PRPF8: variants seen among roughly 807,000 people sequenced by gnomAD.
The protein encoded by PRPF8 is pre-mRNA processing factor 8, also known as pre-mRNA-processing-splicing factor 8.
In PRPF8, 64 loss-of-function variants were observed where a neutral mutation model predicts 285.9. That is an observed-to-expected ratio of 0.22 (90% CI 0.18 to 0.28). The LOEUF (loss-of-function observed/expected upper bound fraction) is 0.28. PRPF8 is among the 10% of genes least tolerant of loss of function. PRPF8 has a pLI of 1.00. For synonymous variants in PRPF8, 1,325 were observed against 1,118.2 expected, an observed-to-expected ratio of 1.18 and a Z score of -3.69; for missense variants, 1,426 against 3,026.7, an observed-to-expected ratio of 0.47 and a Z score of 12.41.
Position 1,671,901 on chromosome 17 carries a change from G to A in PRPF8, c.3774+1180C>T, listed in dbSNP as rs186502251. Reference sequence around the variant, plus strand: ...TTAAAAATTAGCCAGGCATGGTGGCGTATGCACCTGTGGTCCCAGATACTT... The same window carrying A: ...TTAAAAATTAGCCAGGCATGGTGGCATATGCACCTGTGGTCCCAGATACTT... On this transcript the variant is annotated intron_variant, in intron 24 of 42. Coordinates refer to ENST00000304992, the MANE Select transcript of PRPF8 (RefSeq NM_006445.4). Among the ~76,000 whole-genome samples, 96 of 151,250 alleles carry A rather than the reference G, an allele frequency of 6.3e-4. 4 individuals are homozygous for A. In the East Asian group the frequency reaches 0.015, roughly 24 times the overall value.
intron 24 of PRPF8, among the ~76,000 whole-genome samples, chr17:1,669,668 C>G (rs1912202100): frequency 6.6e-6 from 1 of 152,218 alleles, no homozygotes; most frequent in African/African-American, 2.4e-5. Flanking sequence ...CAATGACGTC[C>G]TAACTGTCAA....
chr17:1,681,309 G>A (rs1037292946), intron 6 of PRPF8, among the ~76,000 whole-genome samples, 169 bp downstream of exon 6: 2 of 152,082 alleles, frequency 1.3e-5, no homozygotes, highest in Non-Finnish European at 2.9e-5. Flanking sequence ...TCAAACTTCT[G>A]GGCTCAAGCA....
chr17:1,667,538 CTTTTTTTTTT>C, intron 24 of PRPF8, among the ~76,000 whole-genome samples: 1 of 102,048 alleles, frequency 9.8e-6, no homozygotes, highest in Admixed American at 1.1e-4. Flanking sequence ...CATGACATAG[CTTTTTTTTTT>C]TTTTTTTTTT....
intron 24 of PRPF8, among the ~76,000 whole-genome samples, chr17:1,666,796 G>A (rs1912013766): frequency 6.6e-6 from 1 of 152,112 alleles, no homozygotes; most frequent in Non-Finnish European, 1.5e-5. Context: ...AAAGACTGCA[G>A]GTGAGATAAC....
Position 1,681,480 on chromosome 17 carries a change from T to C in PRPF8, c.864A>G (p.Leu288=). The part of the protein sequence containing the change: ...KFEPLVRDIN[L]QDEDWNEFND... ...AATCCCTAATCTCTCCAACTCACTG[T>C]AGGTTGATGTCTCGAACAAGAGGTT... Residue 288 remains leucine, a splice_region_variant and synonymous_variant, in exon 6 of 43, where the codon CTA becomes CTG. Coordinates refer to ENST00000304992, the MANE Select transcript of PRPF8 (RefSeq NM_006445.4). The C allele has an allele frequency of 6.4e-7, 1 of 1,573,736 alleles. No homozygotes were observed. Among genetic ancestry groups the C allele is most frequent in the Non-Finnish European group, 8.7e-7 (1 of 1,143,246 alleles).
chr17:1,664,062 G>C (rs1911821261), intron 24 of PRPF8, among the ~76,000 whole-genome samples: 1 of 152,152 alleles, frequency 6.6e-6, no homozygotes, highest in South Asian at 2.1e-4. Context: ...ACAGGGTCTT[G>C]CTCTGTTGCC....
At position 1,675,107 on chromosome 17, in the gene PRPF8, C is replaced by T. The variant is rs376691831; in HGVS notation, c.3060+45G>A. On this transcript the variant is annotated intron_variant, in intron 20 of 42. Coordinates refer to ENST00000304992, the MANE Select transcript of PRPF8 (RefSeq NM_006445.4). This position sits in a 1 kb window ranked among gnomAD's most constrained non-coding sequence, Gnocchi z 6.0. ...GCAAATTCTGAGTCAGTGGGCCAGA[C>T]AAGCACTCCACACACAATTCCATGC... The T allele has an allele frequency of 4.4e-6, 7 of 1,609,000 alleles. No homozygotes were observed. The Admixed American group carries it at 1.0e-4, about 23-fold the overall frequency.
intron 37 of PRPF8, 60 bp from the exon 38 acceptor site, chr17:1,654,076 A>G (rs1911217432): frequency 6.2e-7 from 1 of 1,613,058 alleles, no homozygotes; most frequent in Non-Finnish European, 8.5e-7. Context: ...CTTCTGCCTC[A>G]ATGGAAAGGG....
chr17:1,676,426 G>T lies in PRPF8; in HGVS notation c.2389-56C>A. 6.2e-7 allele frequency: 1 copy of T among 1,613,966 alleles called. No homozygotes were observed. The highest frequency in any genetic ancestry group is 8.5e-7 in the Non-Finnish European group (1 of 1,179,966). Reference sequence around the variant, plus strand: ...CTACAGCCCGATCCTGCCAGAACAAGGTTCAGTCACAACTCTACAGTCCTC... The same window carrying T: ...CTACAGCCCGATCCTGCCAGAACAATGTTCAGTCACAACTCTACAGTCCTC... On this transcript the variant is annotated intron_variant, in intron 16 of 42. Transcript: ENST00000304992. The surrounding 1 kb of genome is among the most constrained non-coding windows in gnomAD (Gnocchi z 6.3).
intron 37 of PRPF8, 89 bp downstream of exon 37, chr17:1,655,261 T>C (rs763826403): frequency 6.7e-7 from 1 of 1,498,052 alleles, no homozygotes; most frequent in Admixed American, 1.9e-5. Context: ...CCTGGCCTTC[T>C]TGAGAAACTT....
Position 1,661,463 on chromosome 17 carries a change from C to T in PRPF8, c.4203-57G>A, listed in dbSNP as rs1012397809. 11 of 1,613,276 alleles carry T rather than the reference C, an allele frequency of 6.8e-6. No homozygotes were observed. Among genetic ancestry groups the T allele is most frequent in the Admixed American group, 1.7e-5 (1 of 59,992 alleles). Reference sequence around the variant, plus strand: ...GTGATCTCATATGAGGAGCTCAGCACTCCTTCCTGGCCAAAAATAATTAGG... The same window carrying T: ...GTGATCTCATATGAGGAGCTCAGCATTCCTTCCTGGCCAAAAATAATTAGG... On this transcript the variant is annotated intron_variant, in intron 26 of 42. Coordinates refer to ENST00000304992, the MANE Select transcript of PRPF8 (RefSeq NM_006445.4). The surrounding 1 kb of genome is among the most constrained non-coding windows in gnomAD (Gnocchi z 7.3).
chr17:1,660,207 T>G (rs966535174), intron 30 of PRPF8, among the ~76,000 whole-genome samples: 2 of 150,426 alleles, frequency 1.3e-5, no homozygotes, highest in Non-Finnish European at 3.0e-5. Context: ...CAGCACCCTC[T>G]CCCCGCGATT....
intron 13 of PRPF8, 58 bp downstream of exon 13, chr17:1,678,460 G>T: frequency 6.2e-7 from 1 of 1,611,298 alleles, no homozygotes; most frequent in South Asian, 1.1e-5. Context: ...ACCAGCCCAA[G>T]AGACAAGAGT....
At chr17:1,655,869 G>A (rs1368928361) in intron 36 of PRPF8, among the ~76,000 whole-genome samples, 21 of 148,854 alleles carry the variant, frequency 1.4e-4, no homozygotes. Context: ...CTCGTGATCC[G>A]CCGCCTCGGC....
chr17:1,656,524 C>T lies in PRPF8; in HGVS notation c.5661G>A (p.Ser1887=), dbSNP rs773087540. The T allele has an allele frequency of 1.4e-5, 23 of 1,613,992 alleles. No individual in the cohort carries two copies. Among genetic ancestry groups the T allele is most frequent in the Middle Eastern group, 1.6e-4 (1 of 6,084 alleles). Reference sequence around the variant, plus strand: ...ACGCCTGGAAAGGGAGTTGGAGCTCCGATCCTTTGATGACAATATTGGGGA... The same window carrying T: ...ACGCCTGGAAAGGGAGTTGGAGCTCTGATCCTTTGATGACAATATTGGGGA... ...LDFPNIVIKG[S]ELQLPFQACL... is the part of the protein sequence containing the mutation. The change falls in exon 36 of 43, where the codon TCG becomes TCA. Residue 1887 remains serine (S), a synonymous_variant. Transcript: ENST00000304992.
chr17:1,657,559 T>C (rs1911455181), intron 34 of PRPF8, among the ~76,000 whole-genome samples: 1 of 139,290 alleles, frequency 7.2e-6, no homozygotes, highest in South Asian at 2.2e-4. Context: ...GGCAGGAGAA[T>C]GGCGTGAACC....
chr17:1,679,784 G>A lies in PRPF8; in HGVS notation c.1114C>T (p.Pro372Ser), dbSNP rs1327786644. ...RHSVKSQEPL[P>S]DDDEEFELPE... is the part of the protein sequence containing the mutation. ...AGCTCAAATTCCTCATCATCATCCG[G>A]CAATGGTTCCTGGCTCTGAAAAAGG... Residue 372 changes from proline (P) to serine (S), a missense_variant, in exon 9 of 43, where the codon CCG (proline) becomes TCG (serine). Transcript: ENST00000304992. This position sits in a 1 kb window ranked among gnomAD's most constrained non-coding sequence, Gnocchi z 4.7. The A allele has an allele frequency of 3.7e-6, 6 of 1,614,052 alleles. No individual in the cohort carries two copies. The East Asian group carries it at 1.3e-4, about 36-fold the overall frequency.
intron 24 of PRPF8, among the ~76,000 whole-genome samples, chr17:1,672,113 A>G (rs1335325817): frequency 6.6e-6 from 1 of 152,224 alleles, no homozygotes; most frequent in African/African-American, 2.4e-5. Flanking sequence ...CCGTAATGCA[A>G]TAGTTCTAAA....
rs1262797161 is a variant in PRPF8 at position 1,675,596 on chromosome 17, A to G, written c.2872+24T>C. 1 of 1,613,366 alleles carries G rather than the reference A, an allele frequency of 6.2e-7. No homozygotes were observed. Among genetic ancestry groups the G allele is most frequent in the East Asian group, 2.2e-5 (1 of 44,896 alleles). ...ACTAAATTCCTGCCCCGTTCCTCACAGGGCGATCTCATGAAAGTTCTACCT... is the reference window on the plus strand; with the variant it reads ...ACTAAATTCCTGCCCCGTTCCTCACGGGGCGATCTCATGAAAGTTCTACCT... On this transcript the variant is annotated intron_variant, in intron 19 of 42. Coordinates refer to ENST00000304992, the MANE Select transcript of PRPF8 (RefSeq NM_006445.4). This position sits in a 1 kb window ranked among gnomAD's most constrained non-coding sequence, Gnocchi z 6.0.
Sources: allele counts gnomAD v4.1 joint callset (sites outside exome capture counted in the v4.1 genomes callset), GRCh38; gene constraint gnomAD v4.1.1; non-coding constraint Gnocchi (gnomAD v3.1); transcripts MANE v1.5; gene names NCBI Gene and HGNC (gene_info 2026-07-23, HGNC 2026-07-21).